Variants in FOXP2 observed in about 807,000 individuals in gnomAD.
The protein encoded by FOXP2 is forkhead box protein P2.
FOXP2 carries 12 observed loss-of-function variants against 115.8 expected under a neutral mutation model. The observed-to-expected ratio is 0.10, with a 90% CI of 0.07 to 0.17. The LOEUF (loss-of-function observed/expected upper bound fraction) is 0.17, where lower values mean the gene tolerates loss of function less well. Ranked by LOEUF, FOXP2 falls within the 10% of genes least tolerant of loss-of-function variation. The pLI is 1.00. For synonymous variants in FOXP2, 328 were observed against 297.7 expected (o/e 1.10, Z -1.05); for missense variants, 629 against 843.5 (o/e 0.75, Z 3.15).
intron 2 of FOXP2, among the ~76,000 whole-genome samples, chr7:114,462,419 T>G (rs1226572937): frequency 7.5e-6 from 1 of 133,362 alleles, no homozygotes; most frequent in African/African-American, 2.7e-5. Flanking sequence ...TCGCCCAGGC[T>G]GAAGTGCATT....
intron 7 of FOXP2, among the ~76,000 whole-genome samples, chr7:114,643,692 G>A (rs889566893): frequency 2.6e-5 from 4 of 152,092 alleles, no homozygotes; most frequent in Non-Finnish European, 5.9e-5. Context: ...GTCCTTTAAA[G>A]TAATTTGCAT....
At chr7:114,538,184 A>T (rs1302894737) in intron 3 of FOXP2, 1 of 442,632 alleles carries the variant, frequency 2.3e-6, no homozygotes, top group African/African-American at 2.0e-5. Flanking sequence ...ACATGCACAT[A>T]CACACATGCA....
chr7:114,101,530 T>C (rs2129140695), intron 1 of FOXP2, among the ~76,000 whole-genome samples: 1 of 152,262 alleles, frequency 6.6e-6, no homozygotes, highest in South Asian at 2.1e-4. Flanking sequence ...GCATGGATTA[T>C]TTTTAACATG....
intron 2 of FOXP2, among the ~76,000 whole-genome samples, chr7:114,530,684 C>T (rs1415585401): frequency 6.6e-6 from 1 of 151,838 alleles, no homozygotes; most frequent in Non-Finnish European, 1.5e-5. Context: ...AAAGCATTTT[C>T]ATCCTTAGTT....
intron 2 of FOXP2, among the ~76,000 whole-genome samples, chr7:114,375,449 A>C (rs1348232226): frequency 6.6e-6 from 1 of 152,174 alleles, no homozygotes; most frequent in Non-Finnish European, 1.5e-5. Context: ...ACAAAATAAC[A>C]GTGGCTTATC....
intron 1 of FOXP2, among the ~76,000 whole-genome samples, chr7:114,271,141 T>C (rs1323607005): frequency 3.3e-5 from 5 of 152,162 alleles, no homozygotes; most frequent in South Asian, 4.1e-4. Flanking sequence ...TTCTTTCACC[T>C]TGCTGTAATT....
intron 2 of FOXP2, among the ~76,000 whole-genome samples, chr7:114,443,280 C>T (rs551986770): frequency 3.3e-5 from 5 of 152,236 alleles, no homozygotes; most frequent in South Asian, 2.1e-4. Context: ...TTTTGTCTCA[C>T]GTTATGCATT....
rs141635648 is a variant in FOXP2, at chr7:114,120,883, G to A, written c.-247+33045G>A. Among the ~76,000 whole-genome samples, 962 of 152,146 alleles carry A rather than the reference G, an allele frequency of 6.3e-3. 16 individuals carry two copies. Among genetic ancestry groups the A allele is most frequent in the African/African-American group, 0.021 (889 of 41,538 alleles). ...GCAAGAATTTAAAGTCCAGTGGTTT[G>A]TCTTAGAGCCTGGACTCACACTGTG... On this transcript the variant is annotated intron_variant, in intron 1 of 19. Coordinates refer to the FOXP2 transcript ENST00000635638.
intron 2 of FOXP2, among the ~76,000 whole-genome samples, chr7:114,358,149 C>G (rs1791659229): frequency 6.6e-6 from 1 of 152,134 alleles, no homozygotes; most frequent in Non-Finnish European, 1.5e-5. Context: ...TGGAATAAAT[C>G]TCACAAGACA....
intron 14 of FOXP2, 116 bp downstream of exon 14, chr7:114,662,302 T>C: frequency 1.4e-6 from 2 of 1,411,286 alleles, no homozygotes; most frequent in Non-Finnish European, 2.0e-6. Context: ...AACATTCTCG[T>C]GGCAATGAAC....
intron 1 of FOXP2, among the ~76,000 whole-genome samples, chr7:114,419,540 T>C (rs1373518925): frequency 2.6e-5 from 4 of 151,970 alleles, no homozygotes; most frequent in African/African-American, 9.7e-5. Flanking sequence ...GCATACTTGC[T>C]ATTTAGATCA....
intron 1 of FOXP2, among the ~76,000 whole-genome samples, chr7:114,141,015 C>G (rs1792192644): frequency 6.6e-6 from 1 of 152,198 alleles, no homozygotes; most frequent in South Asian, 2.1e-4. Flanking sequence ...AATAATTTAG[C>G]TTGCTGTTGG....
At chr7:114,120,740 A>G (rs1435333880) in intron 1 of FOXP2, among the ~76,000 whole-genome samples, 2 of 151,706 alleles carry the variant, frequency 1.3e-5, no homozygotes, top group Non-Finnish European at 1.5e-5. Context: ...ACATGAACCA[A>G]TTTAGTCCTG....
In FOXP2 at chr7:114,297,154, G is replaced by C. The variant is rs1252023985; in HGVS notation, c.-11+9045G>C. The C allele has an allele frequency of 6.1e-6, 3 of 490,600 alleles. No individual in the cohort carries two copies. In the East Asian group the frequency reaches 1.6e-4, roughly 27 times the overall value. The allele number at this position is 490,600 out of a possible 1,614,324, so 30.4% of individuals were successfully genotyped here. On this transcript the variant is annotated intron_variant, in intron 2 of 17. Coordinates refer to the FOXP2 transcript ENST00000634411. The stretch of plus-strand genomic sequence containing the variant: ...CGACTTTCCTCATGGCGCCCAGAAC[G>C]TTTCTCAGCTCCTCCTGCTTCCTCT...
At position 114,693,738 on chromosome 7, in the gene FOXP2, A is replaced by G; in HGVS notation, c.*3812A>G. 3.2e-6 allele frequency: 1 copy of G among 311,468 alleles called. No homozygotes were observed. The highest frequency in any genetic ancestry group is 6.3e-6 in the Non-Finnish European group (1 of 159,850). 19.3% of individuals were successfully genotyped at this position (311,468 alleles called of 1,614,324 possible). A position where few individuals can be genotyped will look rare whatever the true frequency, so the allele number is the denominator to read the frequency against. On this transcript the variant is annotated 3_prime_UTR_variant, in exon 17 of 17. Transcript: ENST00000350908. ...ACTTGATTACATTTCTGAAGTATAA[A>G]TAAAAAAATCTAATTCTTTTTGACC...
At chr7:114,547,608 A>C (rs1799993597) in intron 3 of FOXP2, among the ~76,000 whole-genome samples, 1 of 152,094 alleles carries the variant, frequency 6.6e-6, no homozygotes, top group Admixed American at 6.5e-5. Flanking sequence ...AATTACAAAA[A>C]ATTATCTGGG....
Position 114,099,823 on chromosome 7 carries a change from C to T in FOXP2, c.-247+11985C>T, listed in dbSNP as rs183086768. 5.2e-3 allele frequency among the ~76,000 whole-genome samples: 787 copies of T among 152,072 alleles called. 7 individuals are homozygous for T. Among genetic ancestry groups the T allele is most frequent in the African/African-American group, 0.018 (753 of 41,456 alleles). On this transcript the variant is annotated intron_variant, in intron 1 of 19. Transcript: ENST00000635638. The stretch of plus-strand genomic sequence containing the variant: ...GCCAAAGGATACAAAGTCACAGATA[C>T]GTAGGATGAATAAGTCTAAAGATCT...
intron 1 of FOXP2, among the ~76,000 whole-genome samples, chr7:114,096,349 G>A (rs1204517647): frequency 6.6e-6 from 1 of 152,106 alleles, no homozygotes; most frequent in African/African-American, 2.4e-5. Context: ...AAATAAAATG[G>A]TTTTAAAACG....
At chr7:114,445,038 T>A (rs1009394232) in intron 2 of FOXP2, among the ~76,000 whole-genome samples, 2 of 152,036 alleles carry the variant, frequency 1.3e-5, no homozygotes, top group African/African-American at 4.8e-5. Context: ...TCCATTTTTT[T>A]AGAGCCAGTG....
Sources: gnomAD v4.1 joint callset for allele counts (sites outside exome capture counted in the v4.1 genomes callset) on GRCh38, gnomAD v4.1.1 for gene constraint, MANE v1.5 for transcripts, NCBI Gene and HGNC (gene_info 2026-07-23, HGNC 2026-07-21) for gene names.